The following DOCK1 variants were observed in gnomAD, a reference collection of about 807,000 sequenced individuals.
The protein encoded by DOCK1 is dedicator of cytokinesis protein 1.
A neutral mutation model predicts 262.7 loss-of-function variants in DOCK1; 138 were observed. The ratio of observed to expected loss-of-function variants is 0.53; its 90% CI spans 0.46 to 0.61. DOCK1 has a LOEUF of 0.61. Among genes scored for constraint, DOCK1 ranks in the 20% least tolerant of loss-of-function variants. DOCK1 has a pLI of 0.00. For missense variants in DOCK1, 1,908 were observed against 2,370.7 expected, an observed-to-expected ratio of 0.80 and a Z score of 4.05; for synonymous variants, 866 against 867.4, an observed-to-expected ratio of 1.00 and a Z score of 0.03.
chr10:127,232,008 A>G lies in DOCK1; in HGVS notation c.2848-16000A>G, dbSNP rs139538288. Among the ~76,000 whole-genome samples the G allele has an allele frequency of 4.4e-3, 667 of 152,274 alleles. 4 individuals are homozygous for G. The highest frequency in any genetic ancestry group is 0.02 in the Middle Eastern group (6 of 294). ...ATTCTAGTGAGGAGAGACATAAACA[A>G]TTTATGCAATTTGTGTCAACCTGAT... On this transcript the variant is annotated intron_variant, in intron 27 of 51. Coordinates refer to ENST00000623213, the MANE Select transcript of DOCK1 (RefSeq NM_001290223.2).
At chr10:127,239,085 A>G (rs1352896366) in intron 27 of DOCK1, among the ~76,000 whole-genome samples, 1 of 152,224 alleles carries the variant, frequency 6.6e-6, no homozygotes, top group African/African-American at 2.4e-5. Flanking sequence ...GGGCTACTGC[A>G]GAATTCCTCG....
chr10:127,081,863 C>T (rs1275852286), intron 23 of DOCK1, among the ~76,000 whole-genome samples: 1 of 152,118 alleles, frequency 6.6e-6, no homozygotes, highest in Non-Finnish European at 1.5e-5. Context: ...TTGAAAATGT[C>T]CCAAATGTCC....
chr10:127,367,554 C>T (rs907514037), intron 33 of DOCK1, among the ~76,000 whole-genome samples: 4 of 152,028 alleles, frequency 2.6e-5, no homozygotes, highest in African/African-American at 9.7e-5. Flanking sequence ...GCTGAAGGTC[C>T]CTGATGCTAG....
intron 2 of DOCK1, 23 bp from the exon 3 acceptor site, chr10:126,977,925 G>A (rs1343581769): frequency 6.2e-7 from 1 of 1,613,628 alleles, no homozygotes; most frequent in South Asian, 1.1e-5. Flanking sequence ...TGTACTAACT[G>A]TTTCAACTTT....
chr10:127,229,690 A>G (rs1379857478), intron 27 of DOCK1, among the ~76,000 whole-genome samples: 1 of 152,170 alleles, frequency 6.6e-6, no homozygotes, highest in Non-Finnish European at 1.5e-5. Flanking sequence ...TACAGTGTAC[A>G]TGGGAGTGCA....
At chr10:127,067,279 G>A (rs925990651) in intron 23 of DOCK1, among the ~76,000 whole-genome samples, 2 of 152,126 alleles carry the variant, frequency 1.3e-5, no homozygotes, top group Admixed American at 6.5e-5. Flanking sequence ...GGATTGAGGC[G>A]TTTGGGGCTT....
intron 13 of DOCK1, among the ~76,000 whole-genome samples, chr10:127,021,832 GAAA>G (rs370290552): frequency 6.8e-6 from 1 of 147,680 alleles, no homozygotes; most frequent in Non-Finnish European, 1.5e-5. Flanking sequence ...CAGTTTAAAA[GAAA>G]AAAAAAAGCC....
In DOCK1 at chr10:127,426,000, G is replaced by A. The variant is rs779105233; in HGVS notation, c.4903G>A (p.Val1635Ile). ...LKEKVEKEYG[V>I]RIMPSSLDDR... ...GGAAAAGGTGGAGAAAGAGTACGGC[G>A]TCCGAATCATGGTAAGAGGGTAGTA... is the stretch of plus-strand genomic sequence containing the variant. The change falls in exon 47 of 52, where the codon GTC (valine) becomes ATC (isoleucine). Residue 1635 changes from valine to isoleucine, a missense_variant. By Grantham distance (29) the Val-to-Ile change is conservative. Around this residue, in one of 9 missense-constraint regions of DOCK1, gnomAD observed 383 missense variants for 420.1 expected, o/e 0.91. Transcript: ENST00000623213. The A allele has an allele frequency of 3.0e-5, 48 of 1,613,836 alleles. No homozygotes were observed. The highest frequency in any genetic ancestry group is 3.8e-5 in the Non-Finnish European group (45 of 1,179,880).
At chr10:126,950,014 C>T (rs1197026117) in intron 1 of DOCK1, among the ~76,000 whole-genome samples, 2 of 151,844 alleles carry the variant, frequency 1.3e-5, no homozygotes, top group African/African-American at 2.4e-5. Context: ...ACCTTCTAGA[C>T]CTGCGTCTTT....
intron 33 of DOCK1, 29 bp downstream of exon 33, chr10:127,362,241 C>CG: frequency 6.2e-7 from 1 of 1,601,362 alleles, no homozygotes; most frequent in Non-Finnish European, 8.5e-7. Context: ...AGCGAGTGGC[C>CG]GGGGGACATG....
chr10:127,420,278 T>G (rs945833172), intron 46 of DOCK1, among the ~76,000 whole-genome samples: 1 of 152,104 alleles, frequency 6.6e-6, no homozygotes, highest in Non-Finnish European at 1.5e-5. Context: ...TCGGGAGCCT[T>G]TCCCAGAGGG....
In DOCK1 at chr10:127,300,907, C is replaced by T. The variant is rs576137175; in HGVS notation, c.3045-38099C>T. ...AGAACCCTATCAGTGCTTGCAACCCCACCACGAGGCCGGCAGCCGGGAGGG... is the reference window on the plus strand; with the variant it reads ...AGAACCCTATCAGTGCTTGCAACCCTACCACGAGGCCGGCAGCCGGGAGGG... On this transcript the variant is annotated intron_variant, in intron 29 of 51. Coordinates refer to ENST00000623213, the MANE Select transcript of DOCK1 (RefSeq NM_001290223.2). 1.4e-3 allele frequency among the ~76,000 whole-genome samples: 215 copies of T among 152,312 alleles called. 2 individuals carry two copies. The highest frequency in any genetic ancestry group is 4.8e-3 in the African/African-American group (198 of 41,560).
chr10:127,002,403 T>C (rs1322924382), intron 10 of DOCK1, among the ~76,000 whole-genome samples: 1 of 152,228 alleles, frequency 6.6e-6, no homozygotes, highest in African/African-American at 2.4e-5. Flanking sequence ...GATTAAAATT[T>C]TTGGAATTTA....
At chr10:126,984,428 A>G (rs2039206056) in intron 4 of DOCK1, among the ~76,000 whole-genome samples, 1 of 151,988 alleles carries the variant, frequency 6.6e-6, no homozygotes, top group Non-Finnish European at 1.5e-5. Context: ...GCTCACTGCA[A>G]CCTCTGCCTC....
intron 47 of DOCK1, among the ~76,000 whole-genome samples, chr10:127,428,624 G>A (rs556667941): frequency 6.6e-6 from 1 of 151,040 alleles, no homozygotes; most frequent in African/African-American, 2.4e-5. Context: ...CATGTGGATT[G>A]GGGTGTCATG....
intron 29 of DOCK1, among the ~76,000 whole-genome samples, chr10:127,265,274 C>T (rs1038349455): frequency 2.0e-5 from 3 of 152,138 alleles, no homozygotes; most frequent in Admixed American, 2.0e-4. Context: ...TTTGTTCTAT[C>T]TGCAATCAAT....
chr10:127,024,368 A>G (rs1305846321), intron 14 of DOCK1, among the ~76,000 whole-genome samples: 1 of 152,076 alleles, frequency 6.6e-6, no homozygotes, highest in Admixed American at 6.5e-5. Flanking sequence ...CTCACCCTAG[A>G]CCTATGGGAC....
intron 27 of DOCK1, among the ~76,000 whole-genome samples, chr10:127,219,734 C>T (rs1348976468): frequency 6.6e-6 from 1 of 152,106 alleles, no homozygotes; most frequent in Non-Finnish European, 1.5e-5. Context: ...GACAGCCTTT[C>T]TTGAGGTGGA....
intron 31 of DOCK1, 92 bp downstream of exon 31, chr10:127,343,838 A>G: frequency 9.6e-7 from 1 of 1,044,960 alleles, no homozygotes; most frequent in Non-Finnish European, 1.4e-6. Context: ...CTTGATACAA[A>G]TTGAGATGTA....
Sources: gnomAD v4.1 joint callset for allele counts (sites outside exome capture counted in the v4.1 genomes callset) on GRCh38, gnomAD v4.1.1 for gene constraint, gnomAD v4.1.1 regional missense constraint, MANE v1.5 for transcripts, NCBI Gene and HGNC (gene_info 2026-07-23, HGNC 2026-07-21) for gene names.